GRM5: variants seen among roughly 807,000 people sequenced by gnomAD.
The protein encoded by GRM5 is metabotropic glutamate receptor 5.
In GRM5, 19 loss-of-function variants were observed where a neutral mutation model predicts 83.1. That is an observed-to-expected ratio of 0.23 (90% CI 0.16 to 0.34). The LOEUF (loss-of-function observed/expected upper bound fraction) is 0.34. Ranked by LOEUF, GRM5 falls within the 10% of genes least tolerant of loss-of-function variation. The probability of loss-of-function intolerance (pLI) is 1.00; values close to 1 mark genes in which losing one functional copy is unlikely to be tolerated. For synonymous variants in GRM5, 675 were observed against 633.6 expected (o/e 1.07, Z -0.98); for missense variants, 1,160 against 1,588.3 (o/e 0.73, Z 4.58).
In GRM5 at chr11:88,668,047, A is replaced by G. The variant is rs553803953; in HGVS notation, c.912-14644T>C. On this transcript the variant is annotated intron_variant, in intron 3 of 9. Coordinates refer to ENST00000305447, the MANE Select transcript of GRM5 (RefSeq NM_001143831.3). ...AAAAGTAATTGTAAAAGGGCAGCCA[A>G]AAAGAATATTGTGAAATATGTTATG... 4.5e-4 allele frequency among the ~76,000 whole-genome samples: 69 copies of G among 152,272 alleles called. 1 individual carries two copies. The South Asian group carries it at 0.014, about 31-fold the overall frequency.
At chr11:88,545,601 A>G (rs1214088999) in intron 8 of GRM5, among the ~76,000 whole-genome samples, 1 of 152,016 alleles carries the variant, frequency 6.6e-6, no homozygotes. Context: ...CAAATCCTCC[A>G]TTCACAAAGG....
chr11:88,691,508 T>C (rs986832370), intron 3 of GRM5, among the ~76,000 whole-genome samples: 1 of 152,330 alleles, frequency 6.6e-6, no homozygotes, highest in Admixed American at 6.5e-5. Context: ...ATCCATAGTT[T>C]TAACCAATAT....
Position 88,728,449 on chromosome 11 carries a change from C to G in GRM5, c.912-75046G>C, listed in dbSNP as rs184254245. ...CAACCGAATTCTACTAGAGGTACAC[C>G]GAGGAGCTGGTACCATTACTTCTGA... On this transcript the variant is annotated intron_variant, in intron 3 of 9. Coordinates refer to ENST00000305447, the MANE Select transcript of GRM5 (RefSeq NM_001143831.3). Among the ~76,000 whole-genome samples, 744 of 151,916 alleles carry G rather than the reference C, an allele frequency of 4.9e-3. 9 individuals carry two copies. The highest frequency in any genetic ancestry group is 0.017 in the African/African-American group (699 of 41,470).
chr11:88,520,318 A>G (rs2135097066), intron 9 of GRM5, among the ~76,000 whole-genome samples: 1 of 152,170 alleles, frequency 6.6e-6, no homozygotes, highest in East Asian at 1.9e-4. Context: ...ATTCTAATCT[A>G]TTCTCAAAAA....
chr11:89,042,939 C>T (rs1435090637), intron 2 of GRM5, among the ~76,000 whole-genome samples: 8 of 150,716 alleles, frequency 5.3e-5, no homozygotes, highest in East Asian at 3.8e-4. Context: ...CAGAACATCA[C>T]TGATTTGTTT....
At chr11:88,957,446 T>C (rs188313400) in intron 2 of GRM5, among the ~76,000 whole-genome samples, 17 of 152,316 alleles carry the variant, frequency 1.1e-4, no homozygotes, top group Non-Finnish European at 1.9e-4. Flanking sequence ...TGTAAGTTTA[T>C]CTCAACAGTT....
chr11:88,738,832 C>G (rs948460731), intron 3 of GRM5, among the ~76,000 whole-genome samples: 1 of 152,050 alleles, frequency 6.6e-6, no homozygotes, highest in Non-Finnish European at 1.5e-5. Flanking sequence ...CCCAGCTAGC[C>G]TTCTACAAAT....
chr11:88,716,038 C>G (rs1591461587), intron 3 of GRM5, among the ~76,000 whole-genome samples: 1 of 151,922 alleles, frequency 6.6e-6, no homozygotes, highest in Non-Finnish European at 1.5e-5. Flanking sequence ...CATTACAGAA[C>G]TTTCTCACAA....
intron 3 of GRM5, among the ~76,000 whole-genome samples, chr11:88,816,971 GTCTA>G (rs1437205961): frequency 1.3e-5 from 2 of 152,110 alleles, no homozygotes; most frequent in Non-Finnish European, 2.9e-5. Flanking sequence ...CTGTCGGTCT[GTCTA>G]TCTATCTACA....
intron 4 of GRM5, among the ~76,000 whole-genome samples, chr11:88,649,466 TATACTATATATAATTTATATATTAC>T (rs1353625761): frequency 6.9e-6 from 1 of 144,414 alleles, no homozygotes; most frequent in Non-Finnish European, 1.5e-5. Flanking sequence ...ATATTACATA[TATACTATATATAATTTATATATTAC>T]ATATATATTA....
At chr11:88,880,215 T>C (rs140701981) in intron 2 of GRM5, among the ~76,000 whole-genome samples, 8 of 151,628 alleles carry the variant, frequency 5.3e-5, no homozygotes, top group African/African-American at 1.5e-4. Context: ...AAAAGGAGCA[T>C]GAAATAAAGG....
chr11:88,578,835 C>A (rs1370690452), intron 7 of GRM5, among the ~76,000 whole-genome samples: 1 of 151,632 alleles, frequency 6.6e-6, no homozygotes, highest in Non-Finnish European at 1.5e-5. Flanking sequence ...ACTGAAACAA[C>A]TTTATCAAGC....
At chr11:88,735,941 A>G (rs1200764605) in intron 3 of GRM5, among the ~76,000 whole-genome samples, 1 of 151,260 alleles carries the variant, frequency 6.6e-6, no homozygotes. Context: ...TGGAGCAACC[A>G]TATGGCCTAT....
intron 3 of GRM5, among the ~76,000 whole-genome samples, chr11:88,737,287 G>T (rs1371281305): frequency 2.0e-5 from 3 of 152,004 alleles, no homozygotes; most frequent in Admixed American, 1.3e-4. Flanking sequence ...CACAGACAGA[G>T]GTAAGAGTTG....
intron 7 of GRM5, among the ~76,000 whole-genome samples, chr11:88,572,033 A>T (rs1291738817): frequency 6.6e-6 from 1 of 152,226 alleles, no homozygotes; most frequent in Non-Finnish European, 1.5e-5. Flanking sequence ...TTTGTAGCTG[A>T]TAGCAATACT....
At chr11:88,943,690 T>C (rs1411412997) in intron 2 of GRM5, among the ~76,000 whole-genome samples, 2 of 152,004 alleles carry the variant, frequency 1.3e-5, no homozygotes, top group Admixed American at 1.3e-4. Flanking sequence ...ATAGGAGAAA[T>C]AGCAAAAGAA....
intron 3 of GRM5, among the ~76,000 whole-genome samples, chr11:88,671,345 T>A (rs917268010): frequency 6.6e-6 from 1 of 152,056 alleles, no homozygotes. Context: ...CAATATATAC[T>A]CTTAGTCTGT....
chr11:88,542,670 A>G (rs1415938080), intron 8 of GRM5, among the ~76,000 whole-genome samples: 1 of 152,218 alleles, frequency 6.6e-6, no homozygotes, highest in Non-Finnish European at 1.5e-5. Context: ...ACATCCAGAA[A>G]ATACATTTCA....
chr11:88,809,948 A>C (rs1029098263), intron 3 of GRM5, among the ~76,000 whole-genome samples: 2 of 152,052 alleles, frequency 1.3e-5, no homozygotes, highest in African/African-American at 2.4e-5. Flanking sequence ...CTGATATTTG[A>C]ATTTAATTGT....
Sources: allele counts gnomAD v4.1 joint callset (sites outside exome capture counted in the v4.1 genomes callset), GRCh38; gene constraint gnomAD v4.1.1; transcripts MANE v1.5; gene names NCBI Gene and HGNC (gene_info 2026-07-23, HGNC 2026-07-21).